FGGY: variants seen among roughly 807,000 people sequenced by gnomAD.
FGGY encodes FGGY carbohydrate kinase domain containing.
Under a neutral mutation model 71.3 loss-of-function variants are expected in FGGY, and 72 were observed. The observed-to-expected ratio is 1.01, with a 90% CI of 0.84 to 1.23. The LOEUF (loss-of-function observed/expected upper bound fraction) is 1.23, where lower values mean the gene tolerates loss of function less well. Among genes scored for constraint, FGGY ranks in the 50% most tolerant of loss-of-function variants. The pLI is 0.00. For synonymous variants in FGGY, 251 were observed against 250.3 expected (o/e 1.00, Z -0.02); for missense variants, 668 against 682.3 (o/e 0.98, Z 0.23).
At chr1:59,380,841 G>T (rs1325140257) in intron 5 of FGGY, among the ~76,000 whole-genome samples, 6 of 151,436 alleles carry the variant, frequency 4.0e-5, no homozygotes, top group South Asian at 2.1e-4. Flanking sequence ...CATTGCTTTT[G>T]GTGTTTTAGA....
intron 4 of FGGY, among the ~76,000 whole-genome samples, chr1:59,361,692 A>G (rs1288131432): frequency 6.6e-6 from 1 of 152,174 alleles, no homozygotes; most frequent in Non-Finnish European, 1.5e-5. Flanking sequence ...ACAATCAGAG[A>G]AAGGTCAGAA....
chr1:59,530,868 T>C (rs921474413), intron 7 of FGGY, among the ~76,000 whole-genome samples: 1 of 152,200 alleles, frequency 6.6e-6, no homozygotes, highest in Non-Finnish European at 1.5e-5. Flanking sequence ...ATTTTTATCC[T>C]TAAGGTACTA....
chr1:59,325,539 A>G (rs1262980469), intron 2 of FGGY, among the ~76,000 whole-genome samples: 1 of 151,652 alleles, frequency 6.6e-6, no homozygotes, highest in African/African-American at 2.4e-5. Flanking sequence ...ATCACTTTCT[A>G]CTCCTTATCT....
intron 14 of FGGY, chr1:59,697,579 T>C (rs1423242819): frequency 2.4e-6 from 2 of 835,068 alleles, no homozygotes; most frequent in Non-Finnish European, 3.6e-6. Flanking sequence ...TTCTCTGTGA[T>C]CTGCTGATTA....
At chr1:59,674,265 G>A (rs2097413392) in intron 14 of FGGY, 132 bp downstream of exon 14, 1 of 618,068 alleles carries the variant, frequency 1.6e-6, no homozygotes. Flanking sequence ...GCCAGGGAAA[G>A]CACAAACACT....
chr1:59,370,797 A>T (rs1057292463), intron 4 of FGGY, among the ~76,000 whole-genome samples: 1 of 151,380 alleles, frequency 6.6e-6, no homozygotes, highest in South Asian at 2.1e-4. Context: ...TTTCATATCC[A>T]GCCAAATTAA....
chr1:59,533,434 G>A (rs1021180360), intron 7 of FGGY, among the ~76,000 whole-genome samples: 4 of 152,220 alleles, frequency 2.6e-5, no homozygotes, highest in African/African-American at 7.2e-5. Context: ...AGGGGCGCCC[G>A]CCATTGCCCA....
At chr1:59,479,570 G>A (rs761832771) in intron 6 of FGGY, among the ~76,000 whole-genome samples, 12 of 152,176 alleles carry the variant, frequency 7.9e-5, no homozygotes, top group Non-Finnish European at 1.3e-4. Context: ...GCATGTGCTC[G>A]GAAGTGGGAA....
intron 11 of FGGY, among the ~76,000 whole-genome samples, chr1:59,644,994 A>T (rs2097078266): frequency 6.6e-6 from 1 of 151,720 alleles, no homozygotes; most frequent in Non-Finnish European, 1.5e-5. Flanking sequence ...AAAAAGATAG[A>T]TGAAGATAAA....
chr1:59,749,859 T>C lies in FGGY; in HGVS notation c.1513-8072T>C, dbSNP rs141631715. On this transcript the variant is annotated intron_variant, in intron 14 of 15. Coordinates refer to ENST00000303721, the MANE Select transcript of FGGY (RefSeq NM_018291.5). ...AGTAATTATTCCGTGATTATACAGC[T>C]AGTAAATGTAAAAATCCAGTTTCAA... Among the ~76,000 whole-genome samples, 357 of 152,324 alleles carry C rather than the reference T, an allele frequency of 2.3e-3. 5 individuals carry two copies. The highest frequency in any genetic ancestry group is 7.4e-3 in the African/African-American group (309 of 41,568).
intron 14 of FGGY, among the ~76,000 whole-genome samples, chr1:59,724,268 G>A (rs1481407382): frequency 6.6e-6 from 1 of 151,356 alleles, no homozygotes; most frequent in East Asian, 1.9e-4. Context: ...CACGAGGTCA[G>A]GAGATCAAGA....
intron 2 of FGGY, among the ~76,000 whole-genome samples, chr1:59,332,335 C>A (rs2048653576): frequency 6.6e-6 from 1 of 152,136 alleles, no homozygotes; most frequent in African/African-American, 2.4e-5. Flanking sequence ...TGATTCCAAG[C>A]TGTTACAATG....
chr1:59,565,505 C>T (rs1188884536), intron 8 of FGGY, among the ~76,000 whole-genome samples: 7 of 152,120 alleles, frequency 4.6e-5, no homozygotes, highest in Admixed American at 2.0e-4. Context: ...AGGATGGTCT[C>T]GATCTCCTGA....
intron 5 of FGGY, among the ~76,000 whole-genome samples, chr1:59,449,559 A>G (rs2072167981): frequency 1.3e-5 from 2 of 152,204 alleles, no homozygotes; most frequent in Non-Finnish European, 2.9e-5. Flanking sequence ...CTGGGATTAT[A>G]GGCGTGAGCC....
intron 7 of FGGY, among the ~76,000 whole-genome samples, chr1:59,547,937 A>G (rs911868378): frequency 6.6e-6 from 1 of 152,222 alleles, no homozygotes; most frequent in African/African-American, 2.4e-5. Flanking sequence ...ACAACAAAAA[A>G]TAGTGAGCTA....
intron 8 of FGGY, among the ~76,000 whole-genome samples, chr1:59,595,208 T>A (rs779927375): frequency 3.9e-5 from 6 of 152,172 alleles, no homozygotes; most frequent in Non-Finnish European, 8.8e-5. Context: ...AAATGGTAGA[T>A]TATCATGAAA....
At chr1:59,395,226 G>A (rs2061182950) in intron 5 of FGGY, among the ~76,000 whole-genome samples, 1 of 152,064 alleles carries the variant, frequency 6.6e-6, no homozygotes, top group Non-Finnish European at 1.5e-5. Flanking sequence ...CCGGTACAGA[G>A]TGCATGACAC....
intron 8 of FGGY, among the ~76,000 whole-genome samples, chr1:59,573,337 CTTG>C (rs2096018817): frequency 6.6e-6 from 1 of 151,908 alleles, no homozygotes; most frequent in Non-Finnish European, 1.5e-5. Flanking sequence ...AGAGAATATC[CTTG>C]TTATTATAAA....
At chr1:59,618,740 A>G (rs2096780917) in intron 9 of FGGY, among the ~76,000 whole-genome samples, 1 of 152,080 alleles carries the variant, frequency 6.6e-6, no homozygotes, top group African/African-American at 2.4e-5. Flanking sequence ...TGGGAGACTT[A>G]GAGAGAAAGA....
Sources: gnomAD v4.1 joint callset for allele counts (sites outside exome capture counted in the v4.1 genomes callset) on GRCh38, gnomAD v4.1.1 for gene constraint, MANE v1.5 for transcripts, NCBI Gene and HGNC (gene_info 2026-07-23, HGNC 2026-07-21) for gene names.